The following CDK6 variants were observed in gnomAD, a reference collection of about 807,000 sequenced individuals.
CDK6 encodes cyclin dependent kinase 6, also known as cyclin-dependent kinase 6.
In CDK6, 6 loss-of-function variants were observed where a neutral mutation model predicts 37.1. That is an observed-to-expected ratio of 0.16 (90% CI 0.09 to 0.32). The LOEUF is 0.32. Ranked by LOEUF, CDK6 falls within the 10% of genes least tolerant of loss-of-function variation. The probability of loss-of-function intolerance (pLI) is 1.00; values close to 1 mark genes in which losing one functional copy is unlikely to be tolerated. For missense variants in CDK6, 224 were observed against 418.9 expected (o/e 0.53, Z 4.06); for synonymous variants, 160 against 161.3 (o/e 0.99, Z 0.06).
chr7:92,781,843 A>C (rs1304185290), intron 2 of CDK6, among the ~76,000 whole-genome samples: 1 of 152,226 alleles, frequency 6.6e-6, no homozygotes, highest in Non-Finnish European at 1.5e-5. Flanking sequence ...CCTCCTCTTA[A>C]GTGCATGAAG....
intron 4 of CDK6, among the ~76,000 whole-genome samples, chr7:92,703,582 G>C (rs1797903383): frequency 6.6e-6 from 1 of 152,078 alleles, no homozygotes; most frequent in African/African-American, 2.4e-5. Flanking sequence ...TTTATGACAT[G>C]AATGTGTTAT....
chr7:92,733,347 C>T (rs73232039), intron 3 of CDK6, among the ~76,000 whole-genome samples: 42 of 152,306 alleles, frequency 2.8e-4, no homozygotes, highest in Non-Finnish European at 4.4e-4. Flanking sequence ...CCACACTCAA[C>T]GTCTTCCTGC....
chr7:92,771,362 TTAGA>T (rs1379265676), intron 3 of CDK6, among the ~76,000 whole-genome samples: 22 of 151,686 alleles, frequency 1.5e-4, no homozygotes, highest in Non-Finnish European at 4.4e-5. Flanking sequence ...TAAAAATATC[TTAGA>T]TATGTATAAT....
At position 92,833,445 on chromosome 7, in the gene CDK6, C is replaced by A. The variant is rs1003516760; in HGVS notation, c.-122G>T. The A allele has an allele frequency of 1.0e-4, 69 of 674,848 alleles. No individual in the cohort carries two copies. Among genetic ancestry groups the A allele is most frequent in the Non-Finnish European group, 1.6e-4 (66 of 421,620 alleles). The allele number at this position is 674,848 out of a possible 1,614,324, so 41.8% of individuals were successfully genotyped here. ...GAGATCGGTCTAGCTTTACTTGCTC[C>A]CCGCCGGCTCAGGCGCTCGGGCGCT... On this transcript the variant is annotated 5_prime_UTR_variant, in exon 2 of 8. Coordinates refer to ENST00000424848, the MANE Select transcript of CDK6 (RefSeq NM_001145306.2). The surrounding 1 kb of genome is among the most constrained non-coding windows in gnomAD (Gnocchi z 6.1).
chr7:92,651,692 G>A (rs967677847), intron 5 of CDK6, among the ~76,000 whole-genome samples: 1 of 151,896 alleles, frequency 6.6e-6, no homozygotes, highest in Non-Finnish European at 1.5e-5. Flanking sequence ...AGAGAATACA[G>A]GAATAACAGC....
intron 2 of CDK6, among the ~76,000 whole-genome samples, chr7:92,820,652 T>C (rs1460614462): frequency 1.3e-5 from 2 of 152,110 alleles, no homozygotes; most frequent in Non-Finnish European, 2.9e-5. Flanking sequence ...AAAATTATTA[T>C]ATGAAATAAA....
chr7:92,663,701 C>CAA (rs113184787), intron 5 of CDK6, among the ~76,000 whole-genome samples: 82 of 118,548 alleles, frequency 6.9e-4, no homozygotes, highest in Non-Finnish European at 1.3e-3. Context: ...ACTCTGTCTC[C>CAA]AAAAAAAAAA....
At chr7:92,786,651 AT>A (rs1800140879) in intron 2 of CDK6, among the ~76,000 whole-genome samples, 1 of 148,752 alleles carries the variant, frequency 6.7e-6, no homozygotes, top group Admixed American at 6.8e-5. Flanking sequence ...ATATATATAT[AT>A]ATATAAATAA....
chr7:92,669,630 A>C (rs1481397037), intron 5 of CDK6, among the ~76,000 whole-genome samples: 2 of 152,254 alleles, frequency 1.3e-5, no homozygotes, highest in African/African-American at 4.8e-5. Context: ...ACAGTAAATT[A>C]TTCTTGGTTC....
rs114263580 is a variant in CDK6 at position 92,829,340 on chromosome 7, T to A, written c.233+3751A>T. 2.3e-3 allele frequency among the ~76,000 whole-genome samples: 348 copies of A among 152,352 alleles called. 1 individual carries two copies. Among genetic ancestry groups the A allele is most frequent in the African/African-American group, 8.1e-3 (338 of 41,582 alleles). On this transcript the variant is annotated intron_variant, in intron 2 of 7. Transcript: ENST00000424848. ...TTATTCACTGATATGTAATGACTTT[T>A]AGTTTCCAGAGCCAATACTTGAATT...
chr7:92,819,426 C>A (rs1036707351), intron 2 of CDK6, among the ~76,000 whole-genome samples: 1 of 151,828 alleles, frequency 6.6e-6, no homozygotes, highest in Admixed American at 6.6e-5. Flanking sequence ...TGGGATAATG[C>A]GAGTATTTTA....
rs538637777 is a variant in CDK6 at position 92,629,190 on chromosome 7, G to T, written c.648-6104C>A. On this transcript the variant is annotated intron_variant, in intron 5 of 7. Transcript: ENST00000424848. The stretch of plus-strand genomic sequence containing the variant: ...GACTGATAGGAAAAAACCTCTGCCA[G>T]GGAAGGGAGGTGCCACTTAGAGGAA... 6.3e-4 allele frequency among the ~76,000 whole-genome samples: 96 copies of T among 152,184 alleles called. 1 individual carries two copies. The highest frequency in any genetic ancestry group is 2.2e-3 in the African/African-American group (91 of 41,538).
At chr7:92,704,597 A>G (rs182277732) in intron 4 of CDK6, among the ~76,000 whole-genome samples, 1 of 152,204 alleles carries the variant, frequency 6.6e-6, no homozygotes, top group African/African-American at 2.4e-5. Context: ...AACTTTCTTC[A>G]TTTTTGTTTT....
chr7:92,791,861 A>G (rs985475422), intron 2 of CDK6, among the ~76,000 whole-genome samples: 4 of 152,242 alleles, frequency 2.6e-5, no homozygotes, highest in African/African-American at 9.6e-5. Flanking sequence ...GTCTGGCATG[A>G]TTTGGTGATT....
intron 3 of CDK6, among the ~76,000 whole-genome samples, chr7:92,726,028 T>A (rs1413806722): frequency 1.3e-5 from 2 of 152,178 alleles, no homozygotes; most frequent in African/African-American, 4.8e-5. Flanking sequence ...AGGACAATTT[T>A]AAAATAGTTT....
chr7:92,707,517 G>T (rs994475079), intron 4 of CDK6, among the ~76,000 whole-genome samples: 7 of 152,156 alleles, frequency 4.6e-5, no homozygotes, highest in African/African-American at 1.7e-4. Flanking sequence ...AGGAACACTT[G>T]AATCAATTCA....
intron 3 of CDK6, among the ~76,000 whole-genome samples, chr7:92,739,081 T>C (rs1393341679): frequency 6.6e-6 from 1 of 152,230 alleles, no homozygotes; most frequent in East Asian, 1.9e-4. Flanking sequence ...GGGCTTTCGG[T>C]ACTGCCTTCT....
chr7:92,697,645 C>A (rs564176792), intron 4 of CDK6, among the ~76,000 whole-genome samples: 12 of 152,104 alleles, frequency 7.9e-5, no homozygotes, highest in Admixed American at 7.9e-4. Flanking sequence ...GAGAAGCCCC[C>A]GGGAAACATA....
chr7:92,665,218 G>T (rs1562929156), intron 5 of CDK6, among the ~76,000 whole-genome samples: 1 of 152,092 alleles, frequency 6.6e-6, no homozygotes, highest in African/African-American at 2.4e-5. Context: ...TTAATACTGT[G>T]AATTTATTTT....
Sources: allele counts gnomAD v4.1 joint callset (sites outside exome capture counted in the v4.1 genomes callset), GRCh38; gene constraint gnomAD v4.1.1; non-coding constraint Gnocchi (gnomAD v3.1); transcripts MANE v1.5; gene names NCBI Gene and HGNC (gene_info 2026-07-23, HGNC 2026-07-21).